Variants in COL4A3 observed in about 807,000 individuals in gnomAD.
COL4A3 encodes collagen type IV alpha 3 chain, also known as collagen alpha-3(IV) chain.
Under a neutral mutation model 217.4 loss-of-function variants are expected in COL4A3, and 135 were observed. The ratio of observed to expected loss-of-function variants is 0.62; its 90% CI spans 0.54 to 0.72. COL4A3 has a LOEUF of 0.72. Ranked by LOEUF, COL4A3 falls within the 30% of genes least tolerant of loss-of-function variation. The pLI is 0.00. For missense variants in COL4A3, 1,868 were observed against 2,119.9 expected, an observed-to-expected ratio of 0.88 and a Z score of 2.33; for synonymous variants, 690 against 736.3, an observed-to-expected ratio of 0.94 and a Z score of 1.02.
intron 40 of COL4A3, 87 bp from the exon 41 acceptor site, chr2:227,295,182 G>A: frequency 6.6e-7 from 1 of 1,516,066 alleles, no homozygotes; most frequent in Admixed American, 1.7e-5. Flanking sequence ...TCTTTAACAT[G>A]TTTTCGGTGT....
intron 1 of COL4A3, among the ~76,000 whole-genome samples, chr2:227,204,785 T>C (rs2067036767): frequency 6.6e-6 from 1 of 152,232 alleles, no homozygotes; most frequent in African/African-American, 2.4e-5. Flanking sequence ...ATTCCTTTAC[T>C]GTGTATCTGG....
intron 34 of COL4A3, among the ~76,000 whole-genome samples, chr2:227,288,432 A>G (rs546599521): frequency 6.6e-6 from 1 of 152,172 alleles, no homozygotes; most frequent in East Asian, 1.9e-4. Flanking sequence ...GAGTATGATC[A>G]AAGTCATGTT....
intron 4 of COL4A3, 100 bp from the exon 5 acceptor site, chr2:227,244,851 G>T (rs763292121): frequency 1.6e-6 from 2 of 1,257,678 alleles, no homozygotes; most frequent in Non-Finnish European, 2.3e-6. Context: ...TATAGTGGAG[G>T]AAAAAGATTA....
intron 28 of COL4A3, chr2:227,279,532 C>T: frequency 2.1e-6 from 1 of 474,380 alleles, no homozygotes; most frequent in Non-Finnish European, 3.7e-6. Context: ...AAATGGTCAA[C>T]CAGCATCAGT....
chr2:227,257,200 G>C (rs988056323), intron 17 of COL4A3, among the ~76,000 whole-genome samples: 2 of 152,206 alleles, frequency 1.3e-5, no homozygotes, highest in African/African-American at 4.8e-5. Context: ...ATCACTTCCA[G>C]TAGAATTCTG....
intron 1 of COL4A3, among the ~76,000 whole-genome samples, chr2:227,189,719 A>G (rs1299727669): frequency 6.6e-6 from 1 of 152,192 alleles, no homozygotes; most frequent in Non-Finnish European, 1.5e-5. Flanking sequence ...TTTTACATAT[A>G]TTTATTTGCT....
chr2:227,308,777 C>T, intron 48 of COL4A3, 122 bp from the exon 49 acceptor site: 1 of 1,045,038 alleles, frequency 9.6e-7, no homozygotes, highest in Non-Finnish European at 1.5e-6. Flanking sequence ...GCAGATAACT[C>T]TTTTGTGTTG....
intron 18 of COL4A3, 150 bp from the exon 19 acceptor site, chr2:227,259,643 T>C: frequency 1.6e-6 from 1 of 632,016 alleles, no homozygotes; most frequent in Admixed American, 2.8e-5. Context: ...TTTACATGAC[T>C]ATCATATACC....
At position 227,274,191 on chromosome 2, in the gene COL4A3, C is replaced by T. The variant is rs542647613; in HGVS notation, c.1927+1074C>T. 4.5e-3 allele frequency among the ~76,000 whole-genome samples: 678 copies of T among 151,614 alleles called. 4 individuals carry two copies. The highest frequency in any genetic ancestry group is 0.015 in the African/African-American group (639 of 41,366). On this transcript the variant is annotated intron_variant, in intron 26 of 51. Transcript: ENST00000396578. ...GGTGGAGGTTGCAGTGAGCCAAGAT[C>T]GTGCTACTGCACTCCAGCCTGGGCA...
intron 1 of COL4A3, among the ~76,000 whole-genome samples, chr2:227,169,575 T>C (rs370942009): frequency 3.9e-5 from 6 of 152,132 alleles, no homozygotes; most frequent in Admixed American, 3.3e-4. Flanking sequence ...TTTTTAATGA[T>C]TGCCATTCTA....
At chr2:227,290,709 T>G in intron 36 of COL4A3, 38 bp from the exon 37 acceptor site, 4 of 1,600,956 alleles carry the variant, frequency 2.5e-6, no homozygotes, top group African/African-American at 1.3e-5. Flanking sequence ...GATCCTCATG[T>G]TTATCTATTT....
chr2:227,165,989 ATATATG>A (rs1393763382), intron 1 of COL4A3, among the ~76,000 whole-genome samples: 2 of 152,194 alleles, frequency 1.3e-5, no homozygotes, highest in African/African-American at 4.8e-5. Context: ...ACCCACAAAC[ATATATG>A]TATGTTTTTG....
At chr2:227,182,266 C>T (rs1022406291) in intron 1 of COL4A3, among the ~76,000 whole-genome samples, 2 of 152,218 alleles carry the variant, frequency 1.3e-5, no homozygotes, top group Non-Finnish European at 2.9e-5. Context: ...ACAATCAGCT[C>T]TCCACTTCTG....
intron 1 of COL4A3, among the ~76,000 whole-genome samples, chr2:227,204,403 T>G (rs1449979526): frequency 6.6e-6 from 1 of 152,166 alleles, no homozygotes; most frequent in Non-Finnish European, 1.5e-5. Flanking sequence ...TCACTATTTT[T>G]TCTTCTCTTT....
At chr2:227,248,852 G>A (rs2069523125) in intron 9 of COL4A3, among the ~76,000 whole-genome samples, 1 of 151,878 alleles carries the variant, frequency 6.6e-6, no homozygotes, top group Non-Finnish European at 1.5e-5. Context: ...TGAAAATAAG[G>A]GTAGCTTTGT....
rs117698886 is a variant in COL4A3 at position 227,181,061 on chromosome 2, C to T, written c.87+16248C>T. On this transcript the variant is annotated intron_variant, in intron 1 of 51. Transcript: ENST00000396578. ...TCCTGTGTAAATACTGACGCTAAAA[C>T]TCAGCCAGTGATTTCATCACTTTTG... Among the ~76,000 whole-genome samples, 70 of 152,310 alleles carry T rather than the reference C, an allele frequency of 4.6e-4. No homozygotes were observed. In the East Asian group the frequency reaches 0.013, roughly 28 times the overall value.
Position 227,263,931 on chromosome 2 carries a change from TCCAGGACCG to T in COL4A3, c.1308_1315+1del. ...CAGGTCTTCCAGGATCACCGGGACC[TCCAGGACCG>T]CCAGGTAAAGATGTGGAAGGGGACC... On this transcript the variant is annotated inframe_deletion, in exon 21 of 52. Transcript: ENST00000396578. 1 of 1,614,096 alleles carries T rather than the reference TCCAGGACCG, an allele frequency of 6.2e-7. No individual in the cohort carries two copies. The highest frequency in any genetic ancestry group is 8.5e-7 in the Non-Finnish European group (1 of 1,179,984).
intron 1 of COL4A3, chr2:227,222,696 G>C (rs577618178): frequency 6.6e-6 from 1 of 152,348 alleles, no homozygotes; most frequent in South Asian, 2.1e-4. Context: ...AACTGCTCTG[G>C]AATCAGCAAA....
chr2:227,294,060 T>C, intron 38 of COL4A3: 1 of 288,116 alleles, frequency 3.5e-6, no homozygotes, highest in Middle Eastern at 1.3e-3. Flanking sequence ...TTCGAACCCA[T>C]TTCTGGATTG....
Sources: allele counts gnomAD v4.1 joint callset (sites outside exome capture counted in the v4.1 genomes callset), GRCh38; gene constraint gnomAD v4.1.1; transcripts MANE v1.5; gene names NCBI Gene and HGNC (gene_info 2026-07-23, HGNC 2026-07-21).